The following RALGPS2 variants were observed in gnomAD, a reference collection of about 807,000 sequenced individuals.
RALGPS2 encodes Ral GEF with PH domain and SH3 binding motif 2.
In RALGPS2, 43 loss-of-function variants were observed where a neutral mutation model predicts 86.8. The observed-to-expected ratio is 0.50, with a 90% confidence interval of 0.39 to 0.64. The LOEUF (loss-of-function observed/expected upper bound fraction) is 0.64. RALGPS2 is among the 30% of genes least tolerant of loss of function. The probability of loss-of-function intolerance (pLI) is 0.00; values close to 1 mark genes in which losing one functional copy is unlikely to be tolerated. For missense variants in RALGPS2, 536 were observed against 694.6 expected (o/e 0.77, Z 2.57); for synonymous variants, 243 against 231.3 (o/e 1.05, Z -0.46).
Position 178,877,656 on chromosome 1 carries a change from G to T in RALGPS2, c.745+21G>T, listed in dbSNP as rs769134841. On this transcript the variant is annotated intron_variant, in intron 9 of 19. Coordinates refer to ENST00000367635, the MANE Select transcript of RALGPS2 (RefSeq NM_152663.5). ...ATATGGTAAGTTTCTAGGGGATAAT[G>T]CCAAGCCATTAAGATTGCTGTAATC... The T allele has an allele frequency of 2.5e-6, 4 of 1,610,818 alleles. No homozygotes were observed. In the African/African-American group the frequency reaches 5.3e-5, roughly 22 times the overall value.
At chr1:178,749,857 G>A (rs1320029788) in intron 1 of RALGPS2, among the ~76,000 whole-genome samples, 5 of 152,112 alleles carry the variant, frequency 3.3e-5, no homozygotes, top group Non-Finnish European at 7.3e-5. Context: ...CACTTTGGAA[G>A]GCTGAGGCAA....
intron 4 of RALGPS2, among the ~76,000 whole-genome samples, chr1:178,806,825 C>T (rs899616862): frequency 1.3e-5 from 2 of 152,042 alleles, no homozygotes; most frequent in African/African-American, 4.8e-5. Flanking sequence ...TTGTGGTTCT[C>T]TCTCTCCCTG....
At chr1:178,749,926 C>T (rs1651556457) in intron 1 of RALGPS2, among the ~76,000 whole-genome samples, 1 of 152,070 alleles carries the variant, frequency 6.6e-6, no homozygotes, top group African/African-American at 2.4e-5. Context: ...AAAACCCCAT[C>T]TCTACAAAAA....
chr1:178,877,758 T>C, intron 9 of RALGPS2, 123 bp downstream of exon 9: 1 of 1,187,434 alleles, frequency 8.4e-7, no homozygotes, highest in South Asian at 1.5e-5. Context: ...CATTCTAATG[T>C]AAAGGAAAAT....
At chr1:178,753,194 G>T (rs1651774633) in intron 1 of RALGPS2, among the ~76,000 whole-genome samples, 1 of 152,196 alleles carries the variant, frequency 6.6e-6, no homozygotes, top group African/African-American at 2.4e-5. Context: ...GTAAAATCAG[G>T]ATTGGAACAA....
chr1:178,802,863 G>C (rs1654547656), intron 4 of RALGPS2, among the ~76,000 whole-genome samples: 1 of 151,872 alleles, frequency 6.6e-6, no homozygotes, highest in African/African-American at 2.4e-5. Context: ...ATACATTCAC[G>C]CCATCCCTAG....
intron 4 of RALGPS2, among the ~76,000 whole-genome samples, chr1:178,795,869 C>A (rs987817121): frequency 6.6e-6 from 1 of 152,002 alleles, no homozygotes; most frequent in African/African-American, 2.4e-5. Context: ...TAATTCTATC[C>A]TTGTTTTAAT....
intron 4 of RALGPS2, among the ~76,000 whole-genome samples, chr1:178,798,144 C>G (rs1434592266): frequency 6.6e-6 from 1 of 152,084 alleles, no homozygotes; most frequent in African/African-American, 2.4e-5. Flanking sequence ...TAATATTTAT[C>G]AAGACTTATG....
chr1:178,858,275 A>C (rs1022241077), intron 8 of RALGPS2, among the ~76,000 whole-genome samples: 2 of 152,062 alleles, frequency 1.3e-5, no homozygotes, highest in Non-Finnish European at 2.9e-5. Context: ...TGAAAATCTT[A>C]TTTACTTTCT....
chr1:178,737,611 AGCC>A (rs978783578), intron 1 of RALGPS2, among the ~76,000 whole-genome samples: 11 of 152,168 alleles, frequency 7.2e-5, no homozygotes, highest in African/African-American at 1.9e-4. Flanking sequence ...AGTCCTAGAT[AGCC>A]TTTCCTATGT....
At chr1:178,730,330 T>C (rs1056601661) in intron 1 of RALGPS2, among the ~76,000 whole-genome samples, 2 of 152,234 alleles carry the variant, frequency 1.3e-5, no homozygotes, top group African/African-American at 4.8e-5. Context: ...AGGATTCTTA[T>C]GCCACCTTGA....
chr1:178,847,802 T>A (rs945156686), intron 8 of RALGPS2, among the ~76,000 whole-genome samples: 4 of 152,196 alleles, frequency 2.6e-5, no homozygotes, highest in Admixed American at 6.5e-5. Context: ...AAGTAAACAG[T>A]AGAATGAAAA....
intron 8 of RALGPS2, chr1:178,850,254 T>C (rs1363840852): frequency 6.6e-6 from 1 of 152,658 alleles, no homozygotes; most frequent in East Asian, 1.9e-4. Flanking sequence ...TGGGTTTTTT[T>C]TTCTTTGTAG....
chr1:178,856,420 T>TTTTTTTTTTTTTTTTTTTTTGTTTTG (rs1558152822), intron 8 of RALGPS2, among the ~76,000 whole-genome samples: 1 of 120,566 alleles, frequency 8.3e-6, no homozygotes, highest in African/African-American at 3.5e-5. Context: ...TTTTTTTTTT[T>TTTTTTTTTTTTTTTTTTTTTGTTTTG]TTTTTTGAGA....
At chr1:178,727,330 G>C (rs1354715003) in intron 1 of RALGPS2, among the ~76,000 whole-genome samples, 2 of 152,016 alleles carry the variant, frequency 1.3e-5, no homozygotes, top group Non-Finnish European at 2.9e-5. Context: ...CTCCCAAGAA[G>C]CTGGGACTAC....
chr1:178,883,378 G>GT (rs920346829), intron 10 of RALGPS2, 88 bp from the exon 11 acceptor site: 36 of 1,063,790 alleles, frequency 3.4e-5, no homozygotes, highest in Non-Finnish European at 4.8e-5. Flanking sequence ...AATGTTTTTA[G>GT]TTTTTTTGTG....
intron 7 of RALGPS2, among the ~76,000 whole-genome samples, chr1:178,824,385 G>C (rs1258801784): frequency 6.6e-6 from 1 of 152,104 alleles, no homozygotes; most frequent in Admixed American, 6.5e-5. Flanking sequence ...ATGGCAATAT[G>C]TTTTATGTTG....
intron 8 of RALGPS2, chr1:178,853,278 GTTCCTGGTCTCTCTCATA>G (rs1657302649): frequency 1.2e-5 from 11 of 923,684 alleles, no homozygotes; most frequent in Non-Finnish European, 1.4e-5. Context: ...CTTAAAAAGG[GTTCCTGGTCTCTCTCATA>G]TTCATCTAAA....
chr1:178,759,201 C>T (rs1388816208), intron 1 of RALGPS2, among the ~76,000 whole-genome samples: 2 of 152,094 alleles, frequency 1.3e-5, no homozygotes, highest in Admixed American at 6.6e-5. Context: ...TTCATTGTTT[C>T]AGGTCTTCGA....
Sources: gnomAD v4.1 joint callset for allele counts (sites outside exome capture counted in the v4.1 genomes callset) on GRCh38, gnomAD v4.1.1 for gene constraint, MANE v1.5 for transcripts, NCBI Gene and HGNC (gene_info 2026-07-23, HGNC 2026-07-21) for gene names.